Variants in FKBP5 observed in about 807,000 individuals in gnomAD.
The protein encoded by FKBP5 is FKBP prolyl isomerase 5.
FKBP5 carries 23 observed loss-of-function variants against 50.5 expected under a neutral mutation model. That is an observed-to-expected ratio of 0.46 (90% confidence interval 0.33 to 0.65). The LOEUF is 0.65. Ranked by LOEUF, FKBP5 falls within the 30% of genes least tolerant of loss-of-function variation. FKBP5 has a pLI of 0.02. For missense variants in FKBP5, 411 were observed against 553.1 expected (o/e 0.74, Z 2.58); for synonymous variants, 176 against 190.6 (o/e 0.92, Z 0.63).
chr6:35,592,600 AGGT>A (rs1762855747), intron 6 of FKBP5, among the ~76,000 whole-genome samples: 1 of 152,262 alleles, frequency 6.6e-6, no homozygotes, highest in African/African-American at 2.4e-5. Flanking sequence ...CCAGGTAGGT[AGGT>A]GAGTCCTTGC....
At chr6:35,692,626 CT>C (rs1333484037), upstream of FKBP5, among the ~76,000 whole-genome samples, 1 of 151,892 alleles carries the variant, frequency 6.6e-6, no homozygotes, top group Non-Finnish European at 1.5e-5. Context: ...TGGTGAAACC[CT>C]GTCTCTACTA....
intron 5 of FKBP5, among the ~76,000 whole-genome samples, chr6:35,610,500 G>A (rs1426803567): frequency 2.2e-5 from 3 of 136,424 alleles, no homozygotes; most frequent in Non-Finnish European, 4.6e-5. Flanking sequence ...CCCGAGAGGC[G>A]GAGCTTGCAG....
At chr6:35,592,280 T>G (rs146444873) in intron 6 of FKBP5, among the ~76,000 whole-genome samples, 290 of 152,154 alleles carry the variant, frequency 1.9e-3, no homozygotes, top group Non-Finnish European at 2.6e-3. Context: ...GGGACTAGAG[T>G]GGGAACACTC....
intron 2 of FKBP5, among the ~76,000 whole-genome samples, chr6:35,708,018 A>G (rs114815969): frequency 2.3e-3 from 343 of 152,298 alleles, no homozygotes; most frequent in Non-Finnish European, 2.7e-3. Flanking sequence ...GGTGTGGGAA[A>G]ATATTATTGG....
chr6:35,584,725 G>A, intron 8 of FKBP5: 1 of 985,338 alleles, frequency 1.0e-6, no homozygotes, highest in Non-Finnish European at 1.2e-6. Context: ...TCAGGTCAGT[G>A]GTTTTGAACC....
chr6:35,618,596 G>A (rs747411), intron 5 of FKBP5, among the ~76,000 whole-genome samples: 10,111 of 152,034 alleles, frequency 0.067, 487 homozygotes, highest in Admixed American at 0.12. Context: ...GGCTGGTCTC[G>A]AATTCCTAAG....
intron 8 of FKBP5, chr6:35,583,812 AT>A (rs1218495887): frequency 1.4e-4 from 140 of 985,164 alleles, no homozygotes; most frequent in Non-Finnish European, 1.6e-4. Context: ...CTTCTTAGGA[AT>A]TTTTTTTAAA....
intron 8 of FKBP5, 71 bp from the exon 9 acceptor site, chr6:35,580,292 G>T: frequency 8.1e-7 from 1 of 1,236,948 alleles, no homozygotes; most frequent in Non-Finnish European, 1.2e-6. Context: ...AATCCTCAAA[G>T]TGAAGCAACC....
chr6:35,689,489 C>T (rs1168673651), upstream of FKBP5, among the ~76,000 whole-genome samples: 1 of 152,112 alleles, frequency 6.6e-6, no homozygotes, highest in Non-Finnish European at 1.5e-5. Context: ...ACCATACTTT[C>T]TCTTGGCTTG....
At position 35,658,684 on chromosome 6, in the gene FKBP5, A is replaced by G. The variant is rs1178468164; in HGVS notation, c.-19-15841T>C. 4.8e-4 allele frequency among the ~76,000 whole-genome samples: 10 copies of G among 20,704 alleles called. 2 individuals are homozygous for G. Among genetic ancestry groups the G allele is most frequent in the South Asian group, 3.4e-3 (2 of 594 alleles). The allele number at this position is 20,704 out of a possible 152,430, so 13.6% of individuals were successfully genotyped here. Reference sequence around the variant, plus strand: ...ACATGACATTGGTTTTCAAATGTTAAACCAACCTTGGATACCTGGAATAAA... The same window carrying G: ...ACATGACATTGGTTTTCAAATGTTAGACCAACCTTGGATACCTGGAATAAA... On this transcript the variant is annotated intron_variant, in intron 1 of 10. Transcript: ENST00000357266.
intron 1 of FKBP5, among the ~76,000 whole-genome samples, chr6:35,647,583 G>A (rs1764664627): frequency 3.9e-5 from 6 of 152,222 alleles, no homozygotes; most frequent in Admixed American, 3.9e-4. Flanking sequence ...GCTCTTCCCA[G>A]GGAGCCTGGA....
At chr6:35,579,139 AACAC>A (rs906685473) in intron 9 of FKBP5, among the ~76,000 whole-genome samples, 6 of 149,980 alleles carry the variant, frequency 4.0e-5, no homozygotes, top group Non-Finnish European at 8.9e-5. Flanking sequence ...AAACAAACAA[AACAC>A]ACACACGCGC....
At chr6:35,663,568 T>C (rs1368489297) in intron 1 of FKBP5, among the ~76,000 whole-genome samples, 1 of 152,190 alleles carries the variant, frequency 6.6e-6, no homozygotes, top group Non-Finnish European at 1.5e-5. Flanking sequence ...ATCTCTGAAA[T>C]TATTTCTCCT....
chr6:35,716,471 C>T (rs1043303573), intron 2 of FKBP5, among the ~76,000 whole-genome samples: 5 of 152,084 alleles, frequency 3.3e-5, no homozygotes, highest in Admixed American at 1.3e-4. Flanking sequence ...GTGTGCAGCA[C>T]GGTGTTTGAG....
At chr6:35,656,393 C>T (rs1349541556) in intron 1 of FKBP5, among the ~76,000 whole-genome samples, 2 of 152,020 alleles carry the variant, frequency 1.3e-5, no homozygotes, top group Non-Finnish European at 2.9e-5. Context: ...TGTATTTATT[C>T]ATTAAAAAGT....
In FKBP5 at chr6:35,699,101, G is replaced by A. The variant is rs557209726; in HGVS notation, c.-20+21227C>T. 2.4e-4 allele frequency among the ~76,000 whole-genome samples: 37 copies of A among 152,306 alleles called. No individual in the cohort carries two copies. In the South Asian group the frequency reaches 7.7e-3, roughly 32 times the overall value. On this transcript the variant is annotated intron_variant, in intron 2 of 11. Coordinates refer to the FKBP5 transcript ENST00000536438. ...GCAAGGGTTGGGGCAACTTGAACAG[G>A]GCTGAATGATCCACTTCCAAACTGG...
intron 2 of FKBP5, among the ~76,000 whole-genome samples, chr6:35,705,132 CTCCGTCT>C (rs1766268756): frequency 6.7e-6 from 1 of 148,990 alleles, no homozygotes; most frequent in Admixed American, 6.8e-5. Context: ...CAGAGCAAGA[CTCCGTCT>C]CAAAAACAAC....
At chr6:35,616,443 T>C (rs933160313) in intron 5 of FKBP5, among the ~76,000 whole-genome samples, 2 of 152,004 alleles carry the variant, frequency 1.3e-5, no homozygotes, top group South Asian at 2.1e-4. Context: ...TTACTGGTAC[T>C]ACATCAATGT....
intron 2 of FKBP5, among the ~76,000 whole-genome samples, chr6:35,695,363 A>T (rs780966928): frequency 3.9e-5 from 6 of 152,152 alleles, no homozygotes; most frequent in Non-Finnish European, 7.3e-5. Context: ...ACTGGGTTTC[A>T]CCATGTTGGC....
Sources: allele counts gnomAD v4.1 joint callset (sites outside exome capture counted in the v4.1 genomes callset), GRCh38; gene constraint gnomAD v4.1.1; transcripts MANE v1.5; gene names NCBI Gene and HGNC (gene_info 2026-07-23, HGNC 2026-07-21).